Variants in LRP1B observed in about 807,000 individuals in gnomAD.
LRP1B encodes LDL receptor related protein 1B, also known as low-density lipoprotein receptor-related protein 1B.
A neutral mutation model predicts 556.6 loss-of-function variants in LRP1B; 217 were observed. That is an observed-to-expected ratio of 0.39 (90% CI 0.35 to 0.44). LRP1B has a LOEUF of 0.44. LRP1B is among the 20% of genes least tolerant of loss of function. The pLI, the probability that LRP1B is intolerant of heterozygous loss-of-function variation, is 1.00. For missense variants in LRP1B, 5,053 were observed against 5,620.8 expected, an observed-to-expected ratio of 0.90 and a Z score of 3.23; for synonymous variants, 2,047 against 1,865.8, an observed-to-expected ratio of 1.10 and a Z score of -2.50.
intron 7 of LRP1B, among the ~76,000 whole-genome samples, chr2:141,071,245 A>C (rs1477651824): frequency 6.7e-6 from 1 of 150,316 alleles, no homozygotes; most frequent in Non-Finnish European, 1.5e-5. Context: ...ACAGAACCAA[A>C]GACAAAAACC....
chr2:141,702,803 T>C (rs1022437686), intron 2 of LRP1B, among the ~76,000 whole-genome samples: 2 of 151,916 alleles, frequency 1.3e-5, no homozygotes, highest in Admixed American at 6.6e-5. Flanking sequence ...TGTGGGACTA[T>C]AAACGGAGTG....
intron 3 of LRP1B, among the ~76,000 whole-genome samples, chr2:141,363,120 A>T (rs7594383): frequency 0.027 from 4,083 of 152,268 alleles, 184 homozygotes; most frequent in African/African-American, 0.093. Context: ...AATGCTTTGT[A>T]CATCTTCTAT....
chr2:141,191,096 C>T (rs1365827309), intron 6 of LRP1B, among the ~76,000 whole-genome samples: 1 of 151,932 alleles, frequency 6.6e-6, no homozygotes, highest in East Asian at 1.9e-4. Flanking sequence ...CTATTCTTAG[C>T]TCTTAACCAT....
chr2:142,052,000 C>T (rs773617049), intron 1 of LRP1B, among the ~76,000 whole-genome samples: 5 of 152,044 alleles, frequency 3.3e-5, no homozygotes, highest in African/African-American at 4.8e-5. Context: ...GCCTCCCTTA[C>T]GGTATTTAAA....
chr2:141,872,504 G>A (rs1270438908), intron 1 of LRP1B, among the ~76,000 whole-genome samples: 1 of 151,738 alleles, frequency 6.6e-6, no homozygotes, highest in Non-Finnish European at 1.5e-5. Flanking sequence ...TGTAAAATTG[G>A]TTTCCTTAAA....
intron 6 of LRP1B, among the ~76,000 whole-genome samples, chr2:141,226,892 T>C (rs755342233): frequency 3.9e-4 from 59 of 152,314 alleles, no homozygotes; most frequent in African/African-American, 4.1e-4. Context: ...ACATATTTAA[T>C]CACTTTTTTC....
chr2:140,990,201 AAAAT>A (rs1158807303), intron 16 of LRP1B, among the ~76,000 whole-genome samples: 1 of 151,898 alleles, frequency 6.6e-6, no homozygotes, highest in Non-Finnish European at 1.5e-5. Context: ...CATCTCAAAA[AAAAT>A]AAATAAATAA....
At chr2:141,087,766 T>C (rs1056314974) in intron 7 of LRP1B, among the ~76,000 whole-genome samples, 1 of 152,172 alleles carries the variant, frequency 6.6e-6, no homozygotes, top group Non-Finnish European at 1.5e-5. Flanking sequence ...CGGATCAATT[T>C]AGAATGAGCT....
At chr2:140,772,133 T>C (rs547791128) in intron 33 of LRP1B, among the ~76,000 whole-genome samples, 8 of 152,198 alleles carry the variant, frequency 5.3e-5, no homozygotes, top group Non-Finnish European at 8.8e-5. Context: ...GGCCATTATA[T>C]GGCCCTGAAC....
intron 1 of LRP1B, among the ~76,000 whole-genome samples, chr2:142,082,301 C>A (rs1705748182): frequency 6.6e-6 from 1 of 152,018 alleles, no homozygotes; most frequent in Non-Finnish European, 1.5e-5. Flanking sequence ...CAAACACAGG[C>A]AAGATGAATC....
chr2:141,448,112 C>T (rs1459758991), intron 3 of LRP1B, among the ~76,000 whole-genome samples: 1 of 152,174 alleles, frequency 6.6e-6, no homozygotes, highest in Non-Finnish European at 1.5e-5. Context: ...AGATGCCATG[C>T]CCAGAGAGGA....
chr2:140,571,345 G>T (rs879306507), intron 43 of LRP1B, among the ~76,000 whole-genome samples: 2 of 151,588 alleles, frequency 1.3e-5, no homozygotes, highest in Admixed American at 1.3e-4. Flanking sequence ...ACAAAAAATG[G>T]TAACATTTCT....
chr2:140,495,760 A>C lies in LRP1B; in HGVS notation c.8851-12T>G. 6.3e-7 allele frequency: 1 copy of C among 1,592,788 alleles called. No individual in the cohort carries two copies. Among genetic ancestry groups the C allele is most frequent in the Non-Finnish European group, 8.6e-7 (1 of 1,163,102 alleles). On this transcript the variant is annotated splice_polypyrimidine_tract_variant and intron_variant, in intron 55 of 90. Transcript: ENST00000389484. ...GGCCAGCATTTGCACTGGGAAAAGA[A>C]AAATGAGCATAATCAATTCATATCA... is the stretch of plus-strand genomic sequence containing the variant.
intron 2 of LRP1B, among the ~76,000 whole-genome samples, chr2:141,718,821 C>G (rs1347004762): frequency 6.6e-6 from 1 of 152,016 alleles, no homozygotes; most frequent in East Asian, 1.9e-4. Context: ...GTTCTAGGAA[C>G]AGGAATTCAA....
intron 32 of LRP1B, among the ~76,000 whole-genome samples, chr2:140,799,586 G>A (rs1051109750): frequency 1.3e-5 from 2 of 152,058 alleles, no homozygotes; most frequent in African/African-American, 4.8e-5. Flanking sequence ...GATTCATTTG[G>A]CTAGTCCTTT....
intron 2 of LRP1B, among the ~76,000 whole-genome samples, chr2:141,546,186 A>T (rs1349154470): frequency 2.0e-5 from 3 of 152,104 alleles, no homozygotes; most frequent in Non-Finnish European, 4.4e-5. Flanking sequence ...ACTATCATCA[A>T]GTTTTTGATC....
At chr2:141,148,493 T>A (rs1295010054) in intron 7 of LRP1B, among the ~76,000 whole-genome samples, 1 of 152,170 alleles carries the variant, frequency 6.6e-6, no homozygotes, top group African/African-American at 2.4e-5. Flanking sequence ...GTTTCTTCTG[T>A]TCTGGGGCTG....
chr2:141,770,599 C>T (rs941306806), intron 2 of LRP1B, among the ~76,000 whole-genome samples: 7 of 152,180 alleles, frequency 4.6e-5, no homozygotes, highest in African/African-American at 1.7e-4. Context: ...TTTCTCTGAA[C>T]ATGTTCTCTT....
At chr2:142,048,547 T>C (rs1032766859) in intron 1 of LRP1B, among the ~76,000 whole-genome samples, 3 of 152,140 alleles carry the variant, frequency 2.0e-5, no homozygotes, top group African/African-American at 7.2e-5. Flanking sequence ...TAGGCTTTTT[T>C]GTCCATTTGT....
Sources: allele counts gnomAD v4.1 joint callset (sites outside exome capture counted in the v4.1 genomes callset), GRCh38; gene constraint gnomAD v4.1.1; transcripts MANE v1.5; gene names NCBI Gene and HGNC (gene_info 2026-07-23, HGNC 2026-07-21).